The following COP1 variants were observed in gnomAD, a reference collection of about 807,000 sequenced individuals.
The protein encoded by COP1 is COP1 E3 ubiquitin ligase, also known as E3 ubiquitin-protein ligase COP1.
In COP1, 24 loss-of-function variants were observed where a neutral mutation model predicts 101.3. That is an observed-to-expected ratio of 0.24 (90% CI 0.17 to 0.33). The LOEUF (loss-of-function observed/expected upper bound fraction) is 0.33, where lower values mean the gene tolerates loss of function less well. Ranked by LOEUF, COP1 falls within the 10% of genes least tolerant of loss-of-function variation. The pLI, the probability that COP1 is intolerant of heterozygous loss-of-function variation, is 1.00. For synonymous variants in COP1, 347 were observed against 341.9 expected (o/e 1.01, Z -0.17); for missense variants, 663 against 906.2 (o/e 0.73, Z 3.45).
chr1:175,965,484 T>C (rs1651892917), intron 18 of COP1, among the ~76,000 whole-genome samples: 1 of 152,218 alleles, frequency 6.6e-6, no homozygotes, highest in Non-Finnish European at 1.5e-5. Context: ...CATTCTTTTA[T>C]TTAAAGCACT....
At chr1:176,061,634 AAAAAAG>A (rs994875124) in intron 11 of COP1, among the ~76,000 whole-genome samples, 1 of 152,190 alleles carries the variant, frequency 6.6e-6, no homozygotes, top group Admixed American at 6.5e-5. Flanking sequence ...CTCAAAATAA[AAAAAAG>A]AAAAAGAAAA....
At chr1:176,168,688 G>T in intron 3 of COP1, 1 of 315,290 alleles carries the variant, frequency 3.2e-6, no homozygotes, top group Non-Finnish European at 6.5e-6. Flanking sequence ...TCAGGATCAG[G>T]AGAGGGAAAG....
intron 15 of COP1, among the ~76,000 whole-genome samples, chr1:175,998,396 G>A (rs1571527854): frequency 1.3e-5 from 2 of 148,436 alleles, no homozygotes; most frequent in Non-Finnish European, 1.5e-5. Flanking sequence ...CACCAGCATG[G>A]CACATGTATA....
At chr1:176,176,125 A>C in intron 2 of COP1, 118 bp from the exon 3 acceptor site, 1 of 577,692 alleles carries the variant, frequency 1.7e-6, no homozygotes, top group East Asian at 3.0e-5. Flanking sequence ...TAATCTAATA[A>C]ATTTATTTTT....
intron 2 of COP1, among the ~76,000 whole-genome samples, chr1:176,178,715 T>C (rs1173493567): frequency 6.6e-6 from 1 of 151,872 alleles, no homozygotes; most frequent in Non-Finnish European, 1.5e-5. Flanking sequence ...TAGCTGGGCA[T>C]GGTGGCAGGC....
intron 6 of COP1, among the ~76,000 whole-genome samples, chr1:176,140,981 C>A (rs114516818): frequency 0.011 from 1,607 of 152,138 alleles, 28 homozygotes; most frequent in African/African-American, 0.034. Flanking sequence ...TCTCAGAATC[C>A]CTTACGAAGA....
intron 6 of COP1, among the ~76,000 whole-genome samples, chr1:176,146,105 T>G (rs1186151184): frequency 2.0e-5 from 3 of 152,166 alleles, no homozygotes; most frequent in Non-Finnish European, 2.9e-5. Context: ...ACGATTATAT[T>G]ACAGTAAATT....
intron 1 of COP1, among the ~76,000 whole-genome samples, chr1:176,197,626 T>C (rs938852389): frequency 1.3e-5 from 2 of 152,268 alleles, no homozygotes; most frequent in East Asian, 3.9e-4. Context: ...CCAGTATCAC[T>C]CACTAATAAA....
intron 11 of COP1, among the ~76,000 whole-genome samples, chr1:176,064,709 A>C (rs1023120204): frequency 1.3e-5 from 2 of 151,630 alleles, no homozygotes; most frequent in East Asian, 3.9e-4. Flanking sequence ...GCTGGGGTTC[A>C]CTGGTGTGAT....
intron 15 of COP1, among the ~76,000 whole-genome samples, chr1:175,998,661 T>C (rs1340972916): frequency 6.6e-6 from 1 of 152,066 alleles, no homozygotes; most frequent in Non-Finnish European, 1.5e-5. Flanking sequence ...CCATTTAGGA[T>C]ACTCACAGAT....
chr1:175,977,712 T>TA (rs557974090), intron 18 of COP1, among the ~76,000 whole-genome samples: 51 of 152,186 alleles, frequency 3.4e-4, no homozygotes, highest in Non-Finnish European at 5.9e-4. Flanking sequence ...CTTAAATTAG[T>TA]AAAAAAACCT....
chr1:176,073,504 C>G (rs1163786629), intron 11 of COP1, among the ~76,000 whole-genome samples: 1 of 152,162 alleles, frequency 6.6e-6, no homozygotes, highest in Non-Finnish European at 1.5e-5. Flanking sequence ...CAGTTTCAAA[C>G]TATTTCTCTC....
In COP1 at chr1:176,155,160, G is replaced by T. The variant is rs147845296; in HGVS notation, c.763-6086C>A. Among the ~76,000 whole-genome samples, 1,184 of 151,872 alleles carry T rather than the reference G, an allele frequency of 7.8e-3. 13 individuals carry two copies. The highest frequency in any genetic ancestry group is 0.027 in the African/African-American group (1,121 of 41,462). On this transcript the variant is annotated intron_variant, in intron 5 of 19. Coordinates refer to ENST00000367669, the MANE Select transcript of COP1 (RefSeq NM_022457.7). ...TCCTCTTCAGATTAAAATGTAAAAG[G>T]TTACTTCCACAGTAACAAAAAAAGG...
intron 9 of COP1, among the ~76,000 whole-genome samples, chr1:176,094,295 A>T (rs750883481): frequency 2.0e-5 from 3 of 152,024 alleles, no homozygotes; most frequent in Non-Finnish European, 2.9e-5. Flanking sequence ...TCTACAAGCA[A>T]CTAGGTTGCC....
chr1:176,198,558 A>G (rs566492964), intron 1 of COP1, among the ~76,000 whole-genome samples: 1 of 152,272 alleles, frequency 6.6e-6, no homozygotes, highest in African/African-American at 2.4e-5. Context: ...CTTCTTAGCT[A>G]GAACACAAAA....
Position 176,095,835 on chromosome 1 carries a change from A to C in COP1, c.1027-9945T>G, listed in dbSNP as rs1001487863. Among the ~76,000 whole-genome samples, 4 of 152,236 alleles carry C rather than the reference A, an allele frequency of 2.6e-5. No individual in the cohort carries two copies. In the East Asian group the frequency reaches 7.7e-4, roughly 29 times the overall value. ...CGACTGGTAGACACTGTTCTTCATT[A>C]CTATTCATAATTTTTTTTAAAAAAA... is the stretch of plus-strand genomic sequence containing the variant. On this transcript the variant is annotated intron_variant, in intron 9 of 19. Transcript: ENST00000367669.
chr1:176,097,207 TTC>T (rs1682551831), intron 9 of COP1, among the ~76,000 whole-genome samples: 1 of 152,164 alleles, frequency 6.6e-6, no homozygotes, highest in South Asian at 2.1e-4. Context: ...TGTTTTTCTC[TTC>T]TAGGACCTTG....
intron 10 of COP1, among the ~76,000 whole-genome samples, chr1:176,083,063 T>C (rs1679476250): frequency 6.6e-6 from 1 of 152,102 alleles, no homozygotes; most frequent in Non-Finnish European, 1.5e-5. Context: ...CTCAGGAAAT[T>C]CCACGTATTA....
intron 18 of COP1, among the ~76,000 whole-genome samples, chr1:175,971,357 G>C (rs937181370): frequency 2.0e-5 from 3 of 152,060 alleles, no homozygotes; most frequent in African/African-American, 4.8e-5. Flanking sequence ...AACTTAATCA[G>C]ATAAAATTTA....
Sources: allele counts gnomAD v4.1 joint callset (sites outside exome capture counted in the v4.1 genomes callset), GRCh38; gene constraint gnomAD v4.1.1; transcripts MANE v1.5; gene names NCBI Gene and HGNC (gene_info 2026-07-23, HGNC 2026-07-21).